CD86: variants seen among roughly 807,000 people sequenced by gnomAD.
The protein encoded by CD86 is CD86 molecule.
In CD86, 11 loss-of-function variants were observed where a neutral mutation model predicts 32.1. That is an observed-to-expected ratio of 0.34 (90% CI 0.22 to 0.57). CD86 has a LOEUF of 0.57. Among genes scored for constraint, CD86 ranks in the 20% least tolerant of loss-of-function variants. CD86 has a pLI of 0.86. For missense variants in CD86, 359 were observed against 398.4 expected (o/e 0.90, Z 0.84); for synonymous variants, 137 against 135.3 (o/e 1.01, Z -0.09).
intron 3 of CD86, 76 bp from the exon 4 acceptor site, chr3:122,106,122 A>T: frequency 8.8e-7 from 1 of 1,139,552 alleles, no homozygotes; most frequent in Non-Finnish European, 1.2e-6. Flanking sequence ...CAGATCAAGT[A>T]CCCAGTTATT....
intron 4 of CD86, among the ~76,000 whole-genome samples, chr3:122,108,625 A>C (rs943552757): frequency 6.6e-6 from 1 of 152,178 alleles, no homozygotes; most frequent in African/African-American, 2.4e-5. Flanking sequence ...AGGAGTTCTC[A>C]TGTAAGGAAG....
At chr3:122,077,332 C>T (rs1225037933) in intron 1 of CD86, among the ~76,000 whole-genome samples, 1 of 152,182 alleles carries the variant, frequency 6.6e-6, no homozygotes, top group Non-Finnish European at 1.5e-5. Flanking sequence ...AAGAGTACCA[C>T]CCACTTCCAG....
intron 3 of CD86, among the ~76,000 whole-genome samples, chr3:122,105,828 C>G (rs2073081968): frequency 6.6e-6 from 1 of 152,094 alleles, no homozygotes; most frequent in South Asian, 2.1e-4. Flanking sequence ...GTCTGGGGAG[C>G]TGGAATGTGC....
chr3:122,068,235 A>T (rs571271522), intron 1 of CD86, among the ~76,000 whole-genome samples: 1 of 152,316 alleles, frequency 6.6e-6, no homozygotes, highest in South Asian at 2.1e-4. Flanking sequence ...TCAAATAAAT[A>T]TTTTACATAA....
At chr3:122,118,007 G>A (rs2073280174) in intron 5 of CD86, 41 bp from the exon 6 acceptor site, 11 of 1,569,248 alleles carry the variant, frequency 7.0e-6, no homozygotes, top group African/African-American at 1.4e-5. Flanking sequence ...TTGGTATCTA[G>A]GAGGAATACA....
chr3:122,070,897 TATTA>T (rs1372523967), intron 1 of CD86, among the ~76,000 whole-genome samples: 4 of 152,202 alleles, frequency 2.6e-5, no homozygotes. Context: ...AATGTCACAT[TATTA>T]ATTTAGTTAC....
intron 5 of CD86, 27 bp from the exon 6 acceptor site, chr3:122,118,021 T>C (rs764319214): frequency 1.0e-4 from 160 of 1,605,230 alleles, no homozygotes; most frequent in Middle Eastern, 8.2e-4. Flanking sequence ...GAATACATTT[T>C]TGAAGATTGT....
At chr3:122,060,395 G>A (rs2072316094) in intron 1 of CD86, among the ~76,000 whole-genome samples, 1 of 152,080 alleles carries the variant, frequency 6.6e-6, no homozygotes, top group Non-Finnish European at 1.5e-5. Context: ...GATAAAATGA[G>A]ACCTCCTCAC....
chr3:122,113,693 T>G (rs1434748204), intron 5 of CD86, among the ~76,000 whole-genome samples: 2 of 152,198 alleles, frequency 1.3e-5, no homozygotes, highest in African/African-American at 4.8e-5. Flanking sequence ...ACACCATTAT[T>G]TTTAAGAAGA....
intron 5 of CD86, among the ~76,000 whole-genome samples, chr3:122,117,061 A>G (rs2681399): frequency 0.28 from 42,489 of 151,920 alleles, 6,510 homozygotes; most frequent in East Asian, 0.6. Flanking sequence ...TTTATCTTTT[A>G]TTTTTATTTT....
chr3:122,119,350 A>G, intron 6 of CD86, 88 bp from the exon 7 acceptor site: 2 of 766,580 alleles, frequency 2.6e-6, no homozygotes, highest in East Asian at 2.5e-5. Flanking sequence ...TCCAATGGCA[A>G]CCTCTATTCT....
At chr3:122,098,952 T>G (rs1379112285) in intron 2 of CD86, among the ~76,000 whole-genome samples, 3 of 152,156 alleles carry the variant, frequency 2.0e-5, no homozygotes, top group Non-Finnish European at 4.4e-5. Flanking sequence ...CAGTACCTGT[T>G]GCTATCTAGA....
chr3:122,086,785 G>A (rs559336844), intron 1 of CD86, among the ~76,000 whole-genome samples: 1 of 152,102 alleles, frequency 6.6e-6, no homozygotes, highest in African/African-American at 2.4e-5. Flanking sequence ...TCGATTCCAG[G>A]AGCCACCATC....
intron 2 of CD86, among the ~76,000 whole-genome samples, chr3:122,096,158 CAG>C (rs1451096720): frequency 6.6e-6 from 1 of 152,212 alleles, no homozygotes; most frequent in African/African-American, 2.4e-5. Flanking sequence ...CTCTAATTCC[CAG>C]GCTCAAGAGA....
At chr3:122,095,352 T>A (rs2107530158) in intron 2 of CD86, among the ~76,000 whole-genome samples, 1 of 152,204 alleles carries the variant, frequency 6.6e-6, no homozygotes, top group East Asian at 1.9e-4. Flanking sequence ...AAATAATTTT[T>A]GTATTTTTGG....
intron 1 of CD86, among the ~76,000 whole-genome samples, chr3:122,069,562 G>A (rs1026324367): frequency 4.6e-5 from 7 of 152,140 alleles, no homozygotes; most frequent in African/African-American, 9.7e-5. Flanking sequence ...TAGTCTTGCC[G>A]CTAGACTGTG....
At position 122,118,288 on chromosome 3, in the gene CD86, T is replaced by G. The variant is rs1011437886; in HGVS notation, c.893+195T>G. On this transcript the variant is annotated intron_variant, in intron 6 of 6. Coordinates refer to ENST00000330540, the MANE Select transcript of CD86 (RefSeq NM_175862.5). ...GGATGACAGGGTATCCAATGCACAA[T>G]GCCCAGAAAGCATGACAAGCTCTGT... 2.0e-5 allele frequency among the ~76,000 whole-genome samples: 3 copies of G among 152,138 alleles called. No individual in the cohort carries two copies. In the East Asian group the frequency reaches 5.8e-4, roughly 29 times the overall value.
chr3:122,103,700 C>T lies in CD86; in HGVS notation c.253C>T (p.Arg85Cys). ...CAGTGTTCATTCCAAGTATATGGGC[C>T]GCACAAGTTTTGATTCGGACAGTTG... ...FDSVHSKYMG[R>C]TSFDSDSWTL... Residue 85 changes from arginine (R) to cysteine (C), a missense_variant, in exon 3 of 7, where the codon CGC becomes TGC. Physicochemically the swap from Arg to Cys is radical, Grantham distance 180 (BLOSUM62 -3). Coordinates refer to ENST00000330540, the MANE Select transcript of CD86 (RefSeq NM_175862.5). 1 of 1,613,990 alleles carries T rather than the reference C, an allele frequency of 6.2e-7. No individual in the cohort carries two copies.
chr3:122,114,490 C>T (rs574134196), intron 5 of CD86, among the ~76,000 whole-genome samples: 4 of 152,156 alleles, frequency 2.6e-5, no homozygotes, highest in Non-Finnish European at 5.9e-5. Flanking sequence ...CCTATGATTG[C>T]TCTAGTTTGC....
Sources: allele counts gnomAD v4.1 joint callset (sites outside exome capture counted in the v4.1 genomes callset), GRCh38; gene constraint gnomAD v4.1.1; transcripts MANE v1.5; gene names NCBI Gene and HGNC (gene_info 2026-07-23, HGNC 2026-07-21).